The following COL4A6 variants were observed in gnomAD, a reference collection of about 807,000 sequenced individuals.
COL4A6 encodes collagen alpha-6(IV) chain.
A neutral mutation model predicts 126.7 loss-of-function variants in COL4A6; 59 were observed. That is an observed-to-expected ratio of 0.47 (90% CI 0.38 to 0.58). COL4A6 has a LOEUF of 0.58. COL4A6 is among the 20% of genes least tolerant of loss of function. The pLI is 0.00. For missense variants in COL4A6, 1,285 were observed against 1,337.3 expected (o/e 0.96, Z 0.61); for synonymous variants, 547 against 496.6 (o/e 1.10, Z -1.35).
chrX:108,195,872 A>G (rs1295531682), intron 14 of COL4A6, among the ~76,000 whole-genome samples: 1 of 111,667 alleles, frequency 9.0e-6, no homozygotes, highest in African/African-American at 3.3e-5. Context: ...TGAATACTCA[A>G]AAGACTCTTA....
At chrX:108,174,664 G>C in intron 30 of COL4A6, 43 bp from the exon 31 acceptor site, 1 of 1,100,622 alleles carries the variant, frequency 9.1e-7, no homozygotes. Flanking sequence ...CACTGGGCAA[G>C]AAAAACCCAG....
intron 16 of COL4A6, among the ~76,000 whole-genome samples, 159 bp from the exon 17 acceptor site, chrX:108,193,856 A>G (rs113785831): frequency 2.7e-5 from 3 of 112,983 alleles, no homozygotes; most frequent in African/African-American, 9.6e-5. Context: ...TCAAAGTCCC[A>G]TAAATTTAAG....
At chrX:108,408,378 AAAGAAAGC>A (rs1454209340) in intron 2 of COL4A6, among the ~76,000 whole-genome samples, 35 of 111,337 alleles carry the variant, frequency 3.1e-4, no homozygotes, top group African/African-American at 1.1e-3. Context: ...CGAAAGAAAG[AAAGAAAGC>A]AAGCTAAGTA....
rs1178232891 is a variant in COL4A6, at chrX:108,383,404, A to T, written c.63+54538T>A. 5 of 485,523 alleles carry T rather than the reference A, an allele frequency of 1.0e-5. No individual in the cohort carries two copies. In the Admixed American group the frequency reaches 1.2e-4, roughly 12 times the overall value. The allele number at this position is 485,523 out of a possible 1,213,427, so 40.0% of individuals were successfully genotyped here. On this transcript the variant is annotated intron_variant, in intron 2 of 44. Coordinates refer to ENST00000334504, the MANE Select transcript of COL4A6 (RefSeq NM_033641.4). ...TAAGAAGTAAAACCCTGACTCAAGC[A>T]GCATCCTCAACCCTGATGGCTTCCT...
chrX:108,219,640 A>C, intron 5 of COL4A6, 58 bp downstream of exon 5: 1 of 1,081,592 alleles, frequency 9.2e-7, no homozygotes, highest in South Asian at 1.9e-5. Context: ...CAAAGTGTCC[A>C]AAATATGAGG....
chrX:108,432,693 G>A (rs2064194495), intron 2 of COL4A6, among the ~76,000 whole-genome samples: 1 of 110,824 alleles, frequency 9.0e-6, no homozygotes, highest in Admixed American at 9.6e-5. Context: ...AAAATTAGCC[G>A]GGTGTGATGG....
chrX:108,230,699 G>A (rs1318728199), intron 3 of COL4A6, among the ~76,000 whole-genome samples: 3 of 111,872 alleles, frequency 2.7e-5, no homozygotes, highest in African/African-American at 9.8e-5. Flanking sequence ...CAATACATCT[G>A]CAAGGCAGGC....
At chrX:108,384,166 T>G (rs1356670756) in intron 2 of COL4A6, among the ~76,000 whole-genome samples, 1 of 111,639 alleles carries the variant, frequency 9.0e-6, no homozygotes, top group Non-Finnish European at 1.9e-5. Context: ...CCTCTATACT[T>G]TTAACCACTT....
intron 2 of COL4A6, among the ~76,000 whole-genome samples, chrX:108,342,626 C>T (rs893852001): frequency 1.6e-4 from 18 of 111,797 alleles, no homozygotes; most frequent in African/African-American, 3.9e-4. Context: ...TATGGGTAGA[C>T]ATCTTGCTGC....
At chrX:108,368,945 A>G (rs1193101301) in intron 2 of COL4A6, among the ~76,000 whole-genome samples, 1 of 111,640 alleles carries the variant, frequency 9.0e-6, no homozygotes. Context: ...TTTCTGAAGG[A>G]CCTGTCAGAG....
chrX:108,389,912 A>G (rs1473619839), intron 2 of COL4A6, among the ~76,000 whole-genome samples: 3 of 111,531 alleles, frequency 2.7e-5, no homozygotes, highest in Non-Finnish European at 5.6e-5. Context: ...GAGCTCTTGT[A>G]AGGCAGGCCC....
Position 108,190,442 on chromosome X carries a change from A to G in COL4A6, c.1376T>C (p.Leu459Pro). The G allele has an allele frequency of 8.3e-7, 1 of 1,208,006 alleles. No individual in the cohort carries two copies. The highest frequency in any genetic ancestry group is 3.0e-5 in the East Asian group (1 of 33,814). The stretch of plus-strand genomic sequence containing the variant: ...TCCTTTTGGACCTTGTTCTCCTCGG[A>G]GACCAGGGAACCCTGACTCTTTGTT... Reference protein sequence around the residue: ...LHNKESGFPGLRGEQGPKGNL... With the variant: ...LHNKESGFPGPRGEQGPKGNL... Residue 459 changes from leucine to proline, a missense_variant, in exon 20 of 45, where the codon CTC becomes CCC. Leu to Pro is a moderately conservative substitution (Grantham distance 98). Coordinates refer to ENST00000334504, the MANE Select transcript of COL4A6 (RefSeq NM_033641.4).
At chrX:108,225,996 G>A (rs975716120) in intron 3 of COL4A6, among the ~76,000 whole-genome samples, 9 of 112,276 alleles carry the variant, frequency 8.0e-5, no homozygotes, top group African/African-American at 2.9e-4. Flanking sequence ...AGCAGGGAAG[G>A]GAGAAGGGTG....
At chrX:108,323,914 T>C (rs2039088463) in intron 2 of COL4A6, among the ~76,000 whole-genome samples, 1 of 111,602 alleles carries the variant, frequency 9.0e-6, no homozygotes, top group Non-Finnish European at 1.9e-5. Flanking sequence ...AGTTGCGCAA[T>C]GCGTGGAGAA....
rs146919629 is a variant in COL4A6 at position 108,337,047 on chromosome X, A to G, written c.64-26219T>C. On this transcript the variant is annotated intron_variant, in intron 2 of 44. Coordinates refer to ENST00000334504, the MANE Select transcript of COL4A6 (RefSeq NM_033641.4). Reference sequence around the variant, plus strand: ...CTCTGCCTCTAGTCAAGAAACCCAGAATGACTGAGGTAGGCCCACTTTATT... The same window carrying G: ...CTCTGCCTCTAGTCAAGAAACCCAGGATGACTGAGGTAGGCCCACTTTATT... 4.6e-4 allele frequency among the ~76,000 whole-genome samples: 51 copies of G among 111,409 alleles called. No individual in the cohort carries two copies. The East Asian group carries it at 0.013, about 29-fold the overall frequency.
At chrX:108,407,978 T>C (rs924937347) in intron 2 of COL4A6, among the ~76,000 whole-genome samples, 2 of 111,175 alleles carry the variant, frequency 1.8e-5, no homozygotes, top group Non-Finnish European at 3.8e-5. Context: ...CAGGTACTAT[T>C]GTGATTGCTA....
chrX:108,404,617 C>T (rs2041166016), intron 2 of COL4A6, among the ~76,000 whole-genome samples: 2 of 111,925 alleles, frequency 1.8e-5, no homozygotes. Flanking sequence ...AGAACAATGG[C>T]TTCTAACTGT....
intron 2 of COL4A6, among the ~76,000 whole-genome samples, chrX:108,428,619 TC>T (rs757389234): frequency 9.1e-6 from 1 of 110,378 alleles, no homozygotes; most frequent in African/African-American, 3.3e-5. Flanking sequence ...TACAACAAAC[TC>T]CTGTGACACG....
At chrX:108,196,738 G>C (rs748655622) in intron 13 of COL4A6, among the ~76,000 whole-genome samples, 159 bp from the exon 14 acceptor site, 1 of 112,097 alleles carries the variant, frequency 8.9e-6, no homozygotes, top group Non-Finnish European at 1.9e-5. Flanking sequence ...CATAGGGTCT[G>C]AATATAAATT....
Sources: gnomAD v4.1 joint callset for allele counts (sites outside exome capture counted in the v4.1 genomes callset) on GRCh38, gnomAD v4.1.1 for gene constraint, MANE v1.5 for transcripts, NCBI Gene and HGNC (gene_info 2026-07-23, HGNC 2026-07-21) for gene names.